The following ALDH9A1 variants were observed in gnomAD, a reference collection of about 807,000 sequenced individuals.
ALDH9A1 encodes aldehyde dehydrogenase 9 family member A1.
In ALDH9A1, 42 loss-of-function variants were observed where a neutral mutation model predicts 56.6. The ratio of observed to expected loss-of-function variants is 0.74; its 90% CI spans 0.58 to 0.96. The LOEUF (loss-of-function observed/expected upper bound fraction) is 0.96, where lower values mean the gene tolerates loss of function less well. ALDH9A1 is among the 40% of genes least tolerant of loss of function. The pLI, the probability that ALDH9A1 is intolerant of heterozygous loss-of-function variation, is 0.00. For synonymous variants in ALDH9A1, 242 were observed against 236.0 expected (o/e 1.03, Z -0.23); for missense variants, 661 against 651.5 (o/e 1.01, Z -0.16).
intron 9 of ALDH9A1, among the ~76,000 whole-genome samples, chr1:165,665,979 A>G (rs1648993555): frequency 6.6e-6 from 1 of 152,218 alleles, no homozygotes; most frequent in Non-Finnish European, 1.5e-5. Flanking sequence ...ATCATTATTC[A>G]TAATAGCCAA....
chr1:165,693,793 G>T (rs1174660074), intron 2 of ALDH9A1, among the ~76,000 whole-genome samples: 4 of 152,090 alleles, frequency 2.6e-5, no homozygotes, highest in East Asian at 1.9e-4. Flanking sequence ...CTATTCACAA[G>T]AGCAAAGACT....
At chr1:165,684,496 G>C (rs554320256) in intron 2 of ALDH9A1, among the ~76,000 whole-genome samples, 1 of 152,252 alleles carries the variant, frequency 6.6e-6, no homozygotes, top group South Asian at 2.1e-4. Flanking sequence ...TACCCTAAGA[G>C]GAAAACATAC....
At chr1:165,684,539 C>A (rs996023622) in intron 2 of ALDH9A1, among the ~76,000 whole-genome samples, 6 of 152,174 alleles carry the variant, frequency 3.9e-5, no homozygotes, top group African/African-American at 1.4e-4. Context: ...AATTATTCCC[C>A]ATTCTTAAGT....
intron 2 of ALDH9A1, among the ~76,000 whole-genome samples, chr1:165,694,224 A>AG (rs1361394381): frequency 2.0e-5 from 3 of 150,514 alleles, no homozygotes; most frequent in Non-Finnish European, 3.0e-5. Context: ...AAAAAAAAAA[A>AG]GGAGGCAGGA....
At position 165,679,688 on chromosome 1, in the gene ALDH9A1, T is replaced by C. The variant is rs553421691; in HGVS notation, c.790-106A>G. 4.2e-6 allele frequency: 5 copies of C among 1,200,890 alleles called. No homozygotes were observed. In the African/African-American group the frequency reaches 7.5e-5, roughly 18 times the overall value. The allele number at this position is 1,200,890 out of a possible 1,614,324, so 74.4% of individuals were successfully genotyped here. ...AAATCATCTTGAACTGTTTGTGACC[T>C]GTAGCCTTATTCTTGTCAATATCCT... On this transcript the variant is annotated intron_variant, in intron 5 of 10. Transcript: ENST00000354775.
At chr1:165,680,387 G>T in intron 5 of ALDH9A1, 100 bp downstream of exon 5, 1 of 1,287,774 alleles carries the variant, frequency 7.8e-7, no homozygotes, top group East Asian at 2.4e-5. Context: ...TTCAGGCTAG[G>T]TAAAATCAAA....
Position 165,666,059 on chromosome 1 carries a change from G to A in ALDH9A1, c.1350-929C>T, listed in dbSNP as rs1648997124. 2.6e-5 allele frequency among the ~76,000 whole-genome samples: 4 copies of A among 152,086 alleles called. No individual in the cohort carries two copies. In the South Asian group the frequency reaches 6.2e-4, roughly 24 times the overall value. ...AAAAAGTGGTACATATCCATACCAC[G>A]GAATATTATTTGGGAATAAAGTACT... On this transcript the variant is annotated intron_variant, in intron 9 of 10. Transcript: ENST00000354775.
chr1:165,679,618 C>G, intron 5 of ALDH9A1, 36 bp from the exon 6 acceptor site: 1 of 1,612,744 alleles, frequency 6.2e-7, no homozygotes, highest in Non-Finnish European at 8.5e-7. Context: ...AGAACTTTAA[C>G]ACAAATTATA....
At chr1:165,676,584 A>G in intron 6 of ALDH9A1, 1 of 275,002 alleles carries the variant, frequency 3.6e-6, no homozygotes, top group Non-Finnish European at 7.0e-6. Context: ...GTGCACATTG[A>G]GCACATTAAG....
At chr1:165,694,308 C>CTTT (rs1293148452) in intron 2 of ALDH9A1, among the ~76,000 whole-genome samples, 5 of 151,858 alleles carry the variant, frequency 3.3e-5, no homozygotes, top group African/African-American at 1.2e-4. Flanking sequence ...ACAAAAGAAA[C>CTTT]CTTTTGTTTC....
In ALDH9A1 at chr1:165,680,549, G is replaced by C. The variant is rs1412796565; in HGVS notation, c.727C>G (p.Leu243Val). Residue 243 changes from leucine (L) to valine (V), a missense_variant, in exon 5 of 11, where the codon CTG (leucine) becomes GTG (valine). Transcript: ENST00000354775. ...TTGGCCACATCGGGATGCTGACACA[G>C]AAACTGGCCTGTGGCAGCCCCTCCC... is the stretch of plus-strand genomic sequence containing the variant. ...VQGGAATGQF[L>V]CQHPDVAKVS... 2 of 1,614,164 alleles carry C rather than the reference G, an allele frequency of 1.2e-6. No homozygotes were observed. Among genetic ancestry groups the C allele is most frequent in the Non-Finnish European group, 1.7e-6 (2 of 1,180,012 alleles).
In ALDH9A1 at chr1:165,690,168, C is replaced by T. The variant is rs1022700595; in HGVS notation, c.327+5084G>A. On this transcript the variant is annotated intron_variant, in intron 2 of 10. Coordinates refer to ENST00000354775, the MANE Select transcript of ALDH9A1 (RefSeq NM_000696.4). ...ATATTATTCTATGTGTATAACATAG[C>T]TTATATGTGTATAATTATGTATATG... Among the ~76,000 whole-genome samples the T allele has an allele frequency of 1.7e-4, 25 of 145,204 alleles. 1 individual carries two copies. The South Asian group carries it at 4.4e-3, about 25-fold the overall frequency.
chr1:165,694,814 G>C lies in ALDH9A1; in HGVS notation c.327+438C>G, dbSNP rs529341534. Among the ~76,000 whole-genome samples, 8 of 152,158 alleles carry C rather than the reference G, an allele frequency of 5.3e-5. No individual in the cohort carries two copies. In the South Asian group the frequency reaches 1.7e-3, roughly 32 times the overall value. On this transcript the variant is annotated intron_variant, in intron 2 of 10. Transcript: ENST00000354775. ...CTACGAAAAATACAAAAATTAGCCA[G>C]GCATGGTGGCACACACCTGTAGTCC...
At position 165,687,265 on chromosome 1, in the gene ALDH9A1, C is replaced by T. The variant is rs12090132; in HGVS notation, c.328-4155G>A. Among the ~76,000 whole-genome samples the T allele has an allele frequency of 4.2e-3, 638 of 151,576 alleles. 11 individuals carry two copies. Among genetic ancestry groups the T allele is most frequent in the Admixed American group, 0.027 (413 of 15,186 alleles). On this transcript the variant is annotated intron_variant, in intron 2 of 10. Coordinates refer to ENST00000354775, the MANE Select transcript of ALDH9A1 (RefSeq NM_000696.4). ...AGCCCAATATATGTGTAATTGGAGG[C>T]CCTGAAGGAGAAGTGATGGAAGAGG... is the stretch of plus-strand genomic sequence containing the variant.
At chr1:165,670,149 A>C (rs1200744312) in intron 6 of ALDH9A1, among the ~76,000 whole-genome samples, 1 of 152,190 alleles carries the variant, frequency 6.6e-6, no homozygotes, top group African/African-American at 2.4e-5. Flanking sequence ...ATAAAATAAG[A>C]AATCAGGGCG....
chr1:165,676,700 C>T (rs1224389199), intron 6 of ALDH9A1: 2 of 459,438 alleles, frequency 4.4e-6, no homozygotes, highest in Non-Finnish European at 8.4e-6. Flanking sequence ...CACCAGCCTA[C>T]TCCACCCAGG....
At chr1:165,664,148 A>G (rs894237721) in intron 10 of ALDH9A1, among the ~76,000 whole-genome samples, 1 of 152,196 alleles carries the variant, frequency 6.6e-6, no homozygotes, top group Non-Finnish European at 1.5e-5. Flanking sequence ...CGGGACAAAT[A>G]AGACTGTCAA....
rs145012858 is a variant in ALDH9A1 at position 165,695,289 on chromosome 1, C to T, written c.290G>A (p.Arg97His). ...GGCAGCCTCCAAAAGGATTCGGCAA[C>T]GCTCCATGCCAGATTTTTGACTCCA... ...KIWSQKSGME[R>H]CRILLEAARI... The change falls in exon 2 of 11, where the codon CGT becomes CAT. Residue 97 changes from arginine to histidine, a missense_variant. Coordinates refer to ENST00000354775, the MANE Select transcript of ALDH9A1 (RefSeq NM_000696.4). 4.2e-5 allele frequency: 67 copies of T among 1,611,750 alleles called. No individual in the cohort carries two copies. Among genetic ancestry groups the T allele is most frequent in the African/African-American group, 9.4e-5 (7 of 74,696 alleles).
intron 2 of ALDH9A1, among the ~76,000 whole-genome samples, chr1:165,685,538 A>G (rs542219098): frequency 6.6e-6 from 1 of 152,228 alleles, no homozygotes; most frequent in Non-Finnish European, 1.5e-5. Context: ...ACTAAATGCT[A>G]AACATGTAAG....
Sources: allele counts gnomAD v4.1 joint callset (sites outside exome capture counted in the v4.1 genomes callset), GRCh38; gene constraint gnomAD v4.1.1; transcripts MANE v1.5; gene names NCBI Gene and HGNC (gene_info 2026-07-23, HGNC 2026-07-21).